PDILT: variants seen among roughly 807,000 people sequenced by gnomAD.
The protein encoded by PDILT is protein disulfide isomerase like, testis expressed.
Under a neutral mutation model 53.7 loss-of-function variants are expected in PDILT, and 43 were observed. The observed-to-expected ratio is 0.80, with a 90% CI of 0.63 to 1.03. PDILT has a LOEUF of 1.03. PDILT is among the 50% of genes least tolerant of loss of function. The pLI, the probability that PDILT is intolerant of heterozygous loss-of-function variation, is 0.00. For synonymous variants in PDILT, 282 were observed against 274.2 expected (o/e 1.03, Z -0.28); for missense variants, 727 against 712.3 (o/e 1.02, Z -0.24).
At chr16:20,380,747 T>A (rs1966450921) in intron 3 of PDILT, among the ~76,000 whole-genome samples, 1 of 152,236 alleles carries the variant, frequency 6.6e-6, no homozygotes, top group Non-Finnish European at 1.5e-5. Flanking sequence ...GCCTGGCACA[T>A]AGTAGATGCT....
chr16:20,366,834 C>T (rs1246430550), intron 8 of PDILT, among the ~76,000 whole-genome samples: 1 of 152,126 alleles, frequency 6.6e-6, no homozygotes, highest in Admixed American at 6.5e-5. Flanking sequence ...TGTTCTCCCC[C>T]CGTCCCCTCC....
chr16:20,359,969 T>C (rs1966073021), intron 11 of PDILT, among the ~76,000 whole-genome samples: 1 of 152,202 alleles, frequency 6.6e-6, no homozygotes, highest in African/African-American at 2.4e-5. Flanking sequence ...TTTGGAGCTG[T>C]GGTGTAATCT....
At position 20,391,666 on chromosome 16, in the gene PDILT, G is replaced by T. The variant is rs182306944; in HGVS notation, c.203-6815C>A. Among the ~76,000 whole-genome samples, 8 of 152,170 alleles carry T rather than the reference G, an allele frequency of 5.3e-5. No individual in the cohort carries two copies. The South Asian group carries it at 1.7e-3, about 32-fold the overall frequency. ...CCTACCATGCTCCAAGCACAATGCTGAATGTTAGGAATCAGGAGATGAATA... is the reference window on the plus strand; with the variant it reads ...CCTACCATGCTCCAAGCACAATGCTTAATGTTAGGAATCAGGAGATGAATA... On this transcript the variant is annotated intron_variant, in intron 2 of 11. Transcript: ENST00000302451.
At chr16:20,368,095 T>A (rs117920324) in intron 8 of PDILT, among the ~76,000 whole-genome samples, 415 of 152,214 alleles carry the variant, frequency 2.7e-3, no homozygotes, top group Non-Finnish European at 4.7e-3. Flanking sequence ...GCCATGTGTG[T>A]CCTGGAGGGA....
At chr16:20,367,201 G>A (rs994101228) in intron 8 of PDILT, among the ~76,000 whole-genome samples, 4 of 151,534 alleles carry the variant, frequency 2.6e-5, no homozygotes, top group Admixed American at 6.6e-5. Flanking sequence ...CTCCCGAGTT[G>A]AAGCGATTCT....
At chr16:20,369,762 A>G in intron 7 of PDILT, 73 bp from the exon 8 acceptor site, 1 of 1,470,392 alleles carries the variant, frequency 6.8e-7, no homozygotes, top group Non-Finnish European at 9.5e-7. Flanking sequence ...AAGGCTGTGG[A>G]CTAAGGGGAT....
intron 3 of PDILT, among the ~76,000 whole-genome samples, chr16:20,382,368 C>A (rs4780284): frequency 0.99 from 150,710 of 152,344 alleles, 74,635 homozygotes; most frequent in Middle Eastern, 1. Flanking sequence ...TGCTGTTTGA[C>A]TGTATAAATA....
chr16:20,384,227 T>C (rs1173404050), intron 3 of PDILT, among the ~76,000 whole-genome samples: 1 of 152,176 alleles, frequency 6.6e-6, no homozygotes, highest in Non-Finnish European at 1.5e-5. Flanking sequence ...CTTCTTGGTG[T>C]TTCTAGGGCC....
chr16:20,399,890 G>A (rs990931115), intron 1 of PDILT, among the ~76,000 whole-genome samples: 1 of 151,882 alleles, frequency 6.6e-6, no homozygotes, highest in Non-Finnish European at 1.5e-5. Context: ...CAATACAAAT[G>A]TCAAGAAGGA....
chr16:20,395,945 C>A (rs144063049), intron 2 of PDILT, among the ~76,000 whole-genome samples: 1 of 152,184 alleles, frequency 6.6e-6, no homozygotes, highest in Non-Finnish European at 1.5e-5. Context: ...CCAAATAAAG[C>A]TTTATTGTTT....
intron 2 of PDILT, chr16:20,390,940 A>C (rs887450069): frequency 6.6e-6 from 1 of 152,264 alleles, no homozygotes; most frequent in Admixed American, 6.5e-5. Flanking sequence ...TGTTATCATC[A>C]CCATTGTTGT....
intron 3 of PDILT, among the ~76,000 whole-genome samples, chr16:20,377,807 A>G (rs1410368862): frequency 2.6e-5 from 4 of 152,086 alleles, no homozygotes; most frequent in Non-Finnish European, 5.9e-5. Context: ...ACAAAAAATT[A>G]TCCAGGCATG....
At position 20,376,257 on chromosome 16, in the gene PDILT, A is replaced by G. The variant is rs1050669268; in HGVS notation, c.410-56T>C. Reference sequence around the variant, plus strand: ...GAGAAGTTTCCTCTTGAACCAAAGCAAGAAGCTGGTCTTTCTCAAGTTTAA... The same window carrying G: ...GAGAAGTTTCCTCTTGAACCAAAGCGAGAAGCTGGTCTTTCTCAAGTTTAA... On this transcript the variant is annotated intron_variant, in intron 3 of 11. Transcript: ENST00000302451. 3.8e-6 allele frequency: 6 copies of G among 1,598,846 alleles called. No homozygotes were observed. The African/African-American group carries it at 8.1e-5, about 22-fold the overall frequency.
intron 8 of PDILT, among the ~76,000 whole-genome samples, chr16:20,367,059 CTTTCTTTCTTTCTTTCTTTCTT>C (rs1177669678): frequency 2.7e-4 from 30 of 112,006 alleles, no homozygotes; most frequent in Non-Finnish European, 2.7e-4. Flanking sequence ...TTCTTTCTTT[CTTTCTTTCTTTCTTTCTTTCTT>C]TCTTTCTTTC....
At chr16:20,365,217 C>A (rs978768515) in intron 9 of PDILT, among the ~76,000 whole-genome samples, 12 of 152,192 alleles carry the variant, frequency 7.9e-5, no homozygotes, top group African/African-American at 2.9e-4. Context: ...GCATTGCATA[C>A]ATTCCAATAA....
At chr16:20,374,569 G>A (rs578218592) in intron 5 of PDILT, among the ~76,000 whole-genome samples, 193 of 152,280 alleles carry the variant, frequency 1.3e-3, no homozygotes, top group Non-Finnish European at 2.5e-3. Context: ...GGGAAGCATG[G>A]AGTAGAAGAA....
chr16:20,397,204 C>T (rs1202097272), intron 2 of PDILT, among the ~76,000 whole-genome samples: 2 of 152,116 alleles, frequency 1.3e-5, no homozygotes, highest in Admixed American at 6.5e-5. Context: ...GGCATGATCA[C>T]GGGTCGCTGC....
intron 4 of PDILT, 83 bp downstream of exon 4, chr16:20,375,985 G>A: frequency 6.5e-7 from 1 of 1,534,422 alleles, no homozygotes; most frequent in Non-Finnish European, 8.8e-7. Flanking sequence ...AATCAAAACG[G>A]AAGAGTCTCC....
chr16:20,366,969 TTCCTTCCTTC>T (rs1567320301), intron 8 of PDILT, among the ~76,000 whole-genome samples: 7 of 145,074 alleles, frequency 4.8e-5, no homozygotes, highest in African/African-American at 1.6e-4. Context: ...CCTTCCTTCC[TTCCTTCCTTC>T]CTTCCTTCCT....
Sources: allele counts gnomAD v4.1 joint callset (sites outside exome capture counted in the v4.1 genomes callset), GRCh38; gene constraint gnomAD v4.1.1; transcripts MANE v1.5; gene names NCBI Gene and HGNC (gene_info 2026-07-23, HGNC 2026-07-21).